C6orf118: variants seen among roughly 807,000 people sequenced by gnomAD.
C6orf118 encodes chromosome 6 open reading frame 118, also known as uncharacterized protein C6orf118.
Under a neutral mutation model 50.2 loss-of-function variants are expected in C6orf118, and 50 were observed. The observed-to-expected ratio is 1.00, with a 90% CI of 0.79 to 1.26. The LOEUF is 1.26. Among genes scored for constraint, C6orf118 ranks in the 50% most tolerant of loss-of-function variants. The pLI is 0.00. For synonymous variants in C6orf118, 239 were observed against 230.9 expected, an observed-to-expected ratio of 1.03 and a Z score of -0.32; for missense variants, 641 against 578.7, an observed-to-expected ratio of 1.11 and a Z score of -1.10.
chr6:165,281,149 A>C (rs1172718930), intron 8 of C6orf118, among the ~76,000 whole-genome samples: 2 of 152,244 alleles, frequency 1.3e-5, no homozygotes, highest in Non-Finnish European at 2.9e-5. Context: ...AGGAGTTTTC[A>C]AAGATTTAAC....
chr6:165,292,219 G>C (rs1231997502), intron 6 of C6orf118, among the ~76,000 whole-genome samples: 1 of 152,136 alleles, frequency 6.6e-6, no homozygotes, highest in Non-Finnish European at 1.5e-5. Context: ...CTACCCTCAA[G>C]ACATAACTAT....
chr6:165,303,638 TATC>T (rs1780642676), intron 1 of C6orf118, among the ~76,000 whole-genome samples: 1 of 104,202 alleles, frequency 9.6e-6, no homozygotes, highest in Admixed American at 1.0e-4. Flanking sequence ...ATAAAGGGGA[TATC>T]ACCACCGATC....
At chr6:165,302,786 C>T (rs769310911) in intron 1 of C6orf118, among the ~76,000 whole-genome samples, 6 of 152,124 alleles carry the variant, frequency 3.9e-5, no homozygotes, top group Non-Finnish European at 8.8e-5. Flanking sequence ...GCACACACAC[C>T]TCTTCCTGCA....
Position 165,280,047 on chromosome 6 carries a change from C to T in C6orf118, c.*10G>A. On this transcript the variant is annotated 3_prime_UTR_variant, in exon 9 of 9. Coordinates refer to ENST00000230301, the MANE Select transcript of C6orf118 (RefSeq NM_144980.4). ...AATTTCCACTGGCCATTTGTTCAGC[C>T]ACTTGAGCGTTATCTTCTGTTTCCT... is the stretch of plus-strand genomic sequence containing the variant. The T allele has an allele frequency of 6.2e-7, 1 of 1,601,130 alleles. No homozygotes were observed. Among genetic ancestry groups the T allele is most frequent in the Non-Finnish European group, 8.5e-7 (1 of 1,176,762 alleles).
chr6:165,302,154 G>C lies in C6orf118; in HGVS notation c.168C>G (p.Val56=). 6.2e-7 allele frequency: 1 copy of C among 1,613,066 alleles called. No individual in the cohort carries two copies. Among genetic ancestry groups the C allele is most frequent in the African/African-American group, 1.3e-5 (1 of 74,166 alleles). ...TCAGGTGTCCAGAGATGTAGAGGTA[G>C]ACGTCCTCCCGGTGGTCTTTCTGAA... The part of the protein sequence containing the change: ...NRLQKDHRED[V]YLYISGHLNP... The change falls in exon 2 of 9, where the codon GTC becomes GTG. Residue 56 remains valine (V), a synonymous_variant. Coordinates refer to ENST00000230301, the MANE Select transcript of C6orf118 (RefSeq NM_144980.4).
chr6:165,281,057 T>C (rs1779712419), intron 8 of C6orf118, among the ~76,000 whole-genome samples: 2 of 152,234 alleles, frequency 1.3e-5, no homozygotes, highest in Admixed American at 6.5e-5. Context: ...ATAATGTTTA[T>C]ACCAATAAGT....
intron 1 of C6orf118, among the ~76,000 whole-genome samples, chr6:165,307,555 C>CA (rs397964734): frequency 0.42 from 57,700 of 135,860 alleles, 11,429 homozygotes; most frequent in African/African-American, 0.56. Flanking sequence ...GAGACTGCCT[C>CA]AAAAAAAAAA....
At position 165,279,999 on chromosome 6, in the gene C6orf118, A is replaced by G. The variant is rs1008598684; in HGVS notation, c.*58T>C. ...AATGTATATGCATCTGCAAATATCC[A>G]TGCTACATACATGGAAGTTAAGAAT... On this transcript the variant is annotated 3_prime_UTR_variant, in exon 9 of 9. Transcript: ENST00000230301. The G allele has an allele frequency of 2.4e-5, 37 of 1,541,034 alleles. No individual in the cohort carries two copies. Among genetic ancestry groups the G allele is most frequent in the Admixed American group, 1.4e-4 (7 of 49,306 alleles).
chr6:165,285,744 A>T (rs1440588483), intron 7 of C6orf118, among the ~76,000 whole-genome samples: 1 of 152,056 alleles, frequency 6.6e-6, no homozygotes, highest in Admixed American at 6.6e-5. Context: ...AGAACAGACA[A>T]CATACCAGAA....
At chr6:165,302,399 C>A in intron 1 of C6orf118, 103 bp from the exon 2 acceptor site, 1 of 1,409,438 alleles carries the variant, frequency 7.1e-7, no homozygotes, top group Non-Finnish European at 9.6e-7. Context: ...AAAAGAGGGT[C>A]TATGGAGAAA....
At position 165,301,750 on chromosome 6, in the gene C6orf118, C is replaced by T. The variant is rs1247597320; in HGVS notation, c.572G>A (p.Gly191Glu). Residue 191 changes from glycine (G) to glutamate (E), a missense_variant, in exon 2 of 9, where the codon GGG becomes GAG. Transcript: ENST00000230301. ...DLKVLCYQEA[G>E]SRGTRDRHHY... The stretch of plus-strand genomic sequence containing the variant: ...GTGCCGGTCCCTGGTGCCTCTGGAC[C>T]CGGCCTCCTGGTAGCACAGCACCTT... 3 of 1,613,968 alleles carry T rather than the reference C, an allele frequency of 1.9e-6. No individual in the cohort carries two copies. Among genetic ancestry groups the T allele is most frequent in the Non-Finnish European group, 2.5e-6 (3 of 1,180,028 alleles).
At chr6:165,291,490 A>G (rs903935526) in intron 6 of C6orf118, among the ~76,000 whole-genome samples, 11 of 152,172 alleles carry the variant, frequency 7.2e-5, no homozygotes, top group African/African-American at 2.4e-4. Context: ...TTTCATCTCC[A>G]TGTGTTTGGT....
chr6:165,287,576 A>T (rs1179190564), intron 7 of C6orf118, among the ~76,000 whole-genome samples: 2 of 152,142 alleles, frequency 1.3e-5, no homozygotes, highest in Admixed American at 1.3e-4. Flanking sequence ...TACTGGTACA[A>T]AAAACAGACA....
intron 7 of C6orf118, among the ~76,000 whole-genome samples, chr6:165,286,577 A>C (rs1397567828): frequency 6.6e-6 from 1 of 152,220 alleles, no homozygotes; most frequent in Non-Finnish European, 1.5e-5. Context: ...AAGCTTATTC[A>C]CCACAATCAA....
At chr6:165,295,796 A>G (rs1780273866) in intron 5 of C6orf118, among the ~76,000 whole-genome samples, 1 of 151,878 alleles carries the variant, frequency 6.6e-6, no homozygotes, top group African/African-American at 2.4e-5. Context: ...CTTGCTCCCT[A>G]TTGCCTTCAC....
At chr6:165,293,363 G>C (rs768378567) in intron 6 of C6orf118, 50 bp downstream of exon 6, 2 of 1,529,608 alleles carry the variant, frequency 1.3e-6, no homozygotes, top group South Asian at 2.2e-5. Flanking sequence ...CTGAAATAAT[G>C]AAGGTCACAG....
intron 4 of C6orf118, 131 bp downstream of exon 4, chr6:165,299,312 G>C: frequency 1.4e-6 from 1 of 693,014 alleles, no homozygotes. Flanking sequence ...CTATAACAAA[G>C]AACATATCAG....
intron 2 of C6orf118, 33 bp downstream of exon 2, chr6:165,301,536 T>C (rs376226914): frequency 6.3e-6 from 10 of 1,581,418 alleles, no homozygotes; most frequent in Non-Finnish European, 8.6e-6. Flanking sequence ...TGAGAGCTCT[T>C]CCCTGAGACC....
chr6:165,298,481 C>T (rs764092181), intron 4 of C6orf118, among the ~76,000 whole-genome samples: 4 of 152,050 alleles, frequency 2.6e-5, no homozygotes, highest in South Asian at 2.1e-4. Flanking sequence ...GCTTGCCATC[C>T]GCAGATGTAA....
Sources: allele counts gnomAD v4.1 joint callset (sites outside exome capture counted in the v4.1 genomes callset), GRCh38; gene constraint gnomAD v4.1.1; transcripts MANE v1.5; gene names NCBI Gene and HGNC (gene_info 2026-07-23, HGNC 2026-07-21).